SLC25A25: variants seen among roughly 807,000 people sequenced by gnomAD.
SLC25A25 encodes the protein mitochondrial adenyl nucleotide antiporter SLC25A25.
A neutral mutation model predicts 57.7 loss-of-function variants in SLC25A25; 32 were observed. The observed-to-expected ratio is 0.55, with a 90% confidence interval of 0.42 to 0.74. The LOEUF is 0.74. SLC25A25 is among the 30% of genes least tolerant of loss of function. The pLI, the probability that SLC25A25 is intolerant of heterozygous loss-of-function variation, is 0.00. For missense variants in SLC25A25, 556 were observed against 701.3 expected (o/e 0.79, Z 2.34); for synonymous variants, 306 against 291.2 (o/e 1.05, Z -0.52).
chr9:128,098,268 C>G (rs1003360398), intron 1 of SLC25A25: 3 of 273,618 alleles, frequency 1.1e-5, no homozygotes, highest in Non-Finnish European at 2.0e-5. Flanking sequence ...ACGCACCACC[C>G]GGCCTCTTCT....
chr9:128,100,196 AGG>A (rs150279169), intron 1 of SLC25A25, among the ~76,000 whole-genome samples: 19,011 of 152,046 alleles, frequency 0.13, 1,291 homozygotes, highest in South Asian at 0.22. Context: ...GCTGTTTGCG[AGG>A]GGGGTAAGTG....
At chr9:128,068,684 C>G in intron 1 of SLC25A25, 104 bp downstream of exon 1, 1 of 1,248,942 alleles carries the variant, frequency 8.0e-7, no homozygotes, top group Non-Finnish European at 1.0e-6. Flanking sequence ...CCCCCACTGT[C>G]CAGAGGAAGG....
chr9:128,087,102 C>G (rs973503161), intron 1 of SLC25A25, among the ~76,000 whole-genome samples: 1 of 151,818 alleles, frequency 6.6e-6, no homozygotes, highest in Non-Finnish European at 1.5e-5. Flanking sequence ...GTAATCCCAG[C>G]TACTTGGGAG....
chr9:128,094,675 TC>T (rs977584607), intron 1 of SLC25A25, among the ~76,000 whole-genome samples: 2 of 152,172 alleles, frequency 1.3e-5, no homozygotes, highest in Non-Finnish European at 2.9e-5. Context: ...AATGCTACAC[TC>T]CCAGAGGCAC....
In SLC25A25 at chr9:128,106,423, T is replaced by C. The variant is rs200130106; in HGVS notation, c.1115T>C (p.Ile372Thr). The change falls in exon 9 of 11, where the codon ATC becomes ACC. Residue 372 changes from isoleucine to threonine, a missense_variant. Around this residue, in one of 3 missense-constraint regions of SLC25A25, gnomAD observed 294 missense variants for 389.6 expected, o/e 0.75. Coordinates refer to ENST00000373069, the MANE Select transcript of SLC25A25 (RefSeq NM_001330988.2). ...GGAATGCTGGACTGCGCCAGGAGGATCCTGGCCAGAGAGGGGGTGGCCGCC... is the reference window on the plus strand; with the variant it reads ...GGAATGCTGGACTGCGCCAGGAGGACCCTGGCCAGAGAGGGGGTGGCCGCC... ...YSGMLDCARR[I>T]LAREGVAAFY... 1 of 1,613,622 alleles carries C rather than the reference T, an allele frequency of 6.2e-7. No individual in the cohort carries two copies.
chr9:128,085,500 G>A (rs1463729017), intron 1 of SLC25A25, among the ~76,000 whole-genome samples: 1 of 152,112 alleles, frequency 6.6e-6, no homozygotes, highest in African/African-American at 2.4e-5. Context: ...ACACATATAG[G>A]CAAGGTATTC....
Position 128,074,657 on chromosome 9 carries a change from T to C in SLC25A25, c.261+6077T>C, listed in dbSNP as rs567240907. Among the ~76,000 whole-genome samples, 6 of 151,800 alleles carry C rather than the reference T, an allele frequency of 4.0e-5. No homozygotes were observed. The East Asian group carries it at 1.2e-3, about 30-fold the overall frequency. On this transcript the variant is annotated intron_variant, in intron 1 of 10. Transcript: ENST00000373069. ...CCAGGAGACGGAGGTTGCAGTGAGCTGAGATCGTGCCAACACGGGCCTGGC... is the reference window on the plus strand; with the variant it reads ...CCAGGAGACGGAGGTTGCAGTGAGCCGAGATCGTGCCAACACGGGCCTGGC...
At chr9:128,093,750 GAACAGTGCTCTGAA>G (rs1833479409) in intron 1 of SLC25A25, among the ~76,000 whole-genome samples, 1 of 152,262 alleles carries the variant, frequency 6.6e-6, no homozygotes, top group Admixed American at 6.5e-5. Context: ...TCCTTTTCCA[GAACAGTGCTCTGAA>G]GGTGTTTGGG....
At position 128,070,378 on chromosome 9, in the gene SLC25A25, A is replaced by G. The variant is rs1229387468; in HGVS notation, c.261+1798A>G. Among the ~76,000 whole-genome samples the G allele has an allele frequency of 2.0e-5, 3 of 149,702 alleles. No homozygotes were observed. The East Asian group carries it at 6.1e-4, about 30-fold the overall frequency. ...CTCCCAAAGTGCTGGGATTACAGGC[A>G]TGAGCCACCGCGCCCGGCCACCCAG... On this transcript the variant is annotated intron_variant, in intron 1 of 10. Transcript: ENST00000373069.
chr9:128,089,171 C>T (rs1833343376), intron 1 of SLC25A25, among the ~76,000 whole-genome samples: 1 of 152,088 alleles, frequency 6.6e-6, no homozygotes, highest in African/African-American at 2.4e-5. Flanking sequence ...GGATTACAGA[C>T]GTGAACCACC....
rs1833520286 is a variant in SLC25A25, at chr9:128,095,074, G to A, written c.262-6022G>A. Among the ~76,000 whole-genome samples the A allele has an allele frequency of 6.6e-6, 1 of 152,214 alleles. No homozygotes were observed. The highest frequency in any genetic ancestry group is 2.4e-5 in the African/African-American group (1 of 41,450). ...GCATCAGGGCTGAAACCCGAGGCCT[G>A]CTTTAGTTCCTCCATAATCTAGTTC... On this transcript the variant is annotated intron_variant, in intron 1 of 10. Transcript: ENST00000373069. The surrounding 1 kb of genome is among the most constrained non-coding windows in gnomAD (Gnocchi z 4.4).
chr9:128,100,514 T>G (rs1228337016), intron 1 of SLC25A25, among the ~76,000 whole-genome samples: 1 of 152,196 alleles, frequency 6.6e-6, no homozygotes, highest in African/African-American at 2.4e-5. Context: ...CCTTGGCTCC[T>G]TACACTTCCC....
At position 128,086,286 on chromosome 9, in the gene SLC25A25, C is replaced by T. The variant is rs529230778; in HGVS notation, c.262-14810C>T. Among the ~76,000 whole-genome samples the T allele has an allele frequency of 2.4e-4, 36 of 150,898 alleles. No homozygotes were observed. The East Asian group carries it at 3.9e-3, about 16-fold the overall frequency. ...AAGCAATCCTCCTGCCTTACCCTCC[C>T]GAGTACCTAGGACTACAGGTGTGAG... On this transcript the variant is annotated intron_variant, in intron 1 of 10. Transcript: ENST00000373069.
chr9:128,108,360 G>A lies in SLC25A25; in HGVS notation c.*916G>A, dbSNP rs1266493342. Reference sequence around the variant, plus strand: ...GTCCAGAAGGACAAGCCGGACAAATGAGCGACTTCTGTGCTTCCAGAGGAA... The same window carrying A: ...GTCCAGAAGGACAAGCCGGACAAATAAGCGACTTCTGTGCTTCCAGAGGAA... On this transcript the variant is annotated 3_prime_UTR_variant, in exon 11 of 11. Coordinates refer to ENST00000373069, the MANE Select transcript of SLC25A25 (RefSeq NM_001330988.2). 1 of 398,018 alleles carries A rather than the reference G, an allele frequency of 2.5e-6. No individual in the cohort carries two copies. Among genetic ancestry groups the A allele is most frequent in the African/African-American group, 2.1e-5 (1 of 48,636 alleles). The allele number at this position is 398,018 out of a possible 1,614,324, so 24.7% of individuals were successfully genotyped here. A position where few individuals can be genotyped will look rare whatever the true frequency, so the allele number is the denominator to read the frequency against.
rs1834112831 is a variant in SLC25A25 at position 128,107,743 on chromosome 9, G to A, written c.*299G>A. On this transcript the variant is annotated 3_prime_UTR_variant, in exon 11 of 11. Transcript: ENST00000373069. ...ACATTTTCTGCAGTGCCTGCCAATA[G>A]CGAGCTTGGAGCCTGGAGGCCGGCT... The A allele has an allele frequency of 4.9e-6, 2 of 408,952 alleles. No individual in the cohort carries two copies. Among genetic ancestry groups the A allele is most frequent in the East Asian group, 3.5e-5 (1 of 28,462 alleles). The allele number at this position is 408,952 out of a possible 1,614,324, so 25.3% of individuals were successfully genotyped here.
Position 128,068,345 on chromosome 9 carries a change from G to A in SLC25A25, c.26G>A (p.Cys9Tyr), listed in dbSNP as rs1832825670. The part of the protein sequence containing the change: MVSSVLCR[C>Y]VASPPPDAAA... ...ATGGTGAGCAGTGTGTTGTGCCGCT[G>A]TGTGGCCTCCCCGCCGCCGGACGCC... is the stretch of plus-strand genomic sequence containing the variant. Residue 9 changes from cysteine (C) to tyrosine (Y), a missense_variant, in exon 1 of 11, where the codon TGT becomes TAT. Cys to Tyr is a radical substitution (Grantham distance 194). Around this residue, in one of 3 missense-constraint regions of SLC25A25, gnomAD observed 248 missense variants for 273.5 expected, o/e 0.91. Coordinates refer to ENST00000373069, the MANE Select transcript of SLC25A25 (RefSeq NM_001330988.2). The A allele has an allele frequency of 1.3e-6, 2 of 1,535,598 alleles. No individual in the cohort carries two copies. The highest frequency in any genetic ancestry group is 2.9e-5 in the African/African-American group (2 of 70,144).
chr9:128,084,987 A>G (rs1007554154), intron 1 of SLC25A25, among the ~76,000 whole-genome samples: 1 of 152,182 alleles, frequency 6.6e-6, no homozygotes, highest in East Asian at 1.9e-4. Flanking sequence ...AAAGAAATGT[A>G]CTATATTAAC....
chr9:128,085,033 A>T (rs77893547), intron 1 of SLC25A25, among the ~76,000 whole-genome samples: 4,661 of 152,266 alleles, frequency 0.031, 235 homozygotes, highest in African/African-American at 0.099. Flanking sequence ...AAAATGTTTT[A>T]AAAAATATAT....
At position 128,095,964 on chromosome 9, in the gene SLC25A25, G is replaced by A. The variant is rs559362285; in HGVS notation, c.262-5132G>A. Among the ~76,000 whole-genome samples, 3 of 152,258 alleles carry A rather than the reference G, an allele frequency of 2.0e-5. No individual in the cohort carries two copies. The highest frequency in any genetic ancestry group is 2.0e-4 in the Admixed American group (3 of 15,286). On this transcript the variant is annotated intron_variant, in intron 1 of 10. Transcript: ENST00000373069. This position sits in a 1 kb window ranked among gnomAD's most constrained non-coding sequence, Gnocchi z 4.4. Reference sequence around the variant, plus strand: ...TTTAAAATATACTTTAATAGAAAGTGAAATCTCCAATTGAACTTATTCAGT... The same window carrying A: ...TTTAAAATATACTTTAATAGAAAGTAAAATCTCCAATTGAACTTATTCAGT...
Sources: gnomAD v4.1 joint callset for allele counts (sites outside exome capture counted in the v4.1 genomes callset) on GRCh38, gnomAD v4.1.1 for gene constraint, gnomAD v4.1.1 regional missense constraint, Gnocchi (gnomAD v3.1) non-coding constraint, MANE v1.5 for transcripts, NCBI Gene and HGNC (gene_info 2026-07-23, HGNC 2026-07-21) for gene names.